NMD3: variants seen among roughly 807,000 people sequenced by gnomAD.
NMD3 encodes NMD3 ribosome export adaptor.
A neutral mutation model predicts 73.1 loss-of-function variants in NMD3; 47 were observed. The observed-to-expected ratio is 0.64, with a 90% CI of 0.51 to 0.82. The LOEUF is 0.82. Among genes scored for constraint, NMD3 ranks in the 40% least tolerant of loss-of-function variants. The probability of loss-of-function intolerance (pLI) is 0.00; values close to 1 mark genes in which losing one functional copy is unlikely to be tolerated. For synonymous variants in NMD3, 210 were observed against 194.5 expected, an observed-to-expected ratio of 1.08 and a Z score of -0.66; for missense variants, 554 against 612.5, an observed-to-expected ratio of 0.90 and a Z score of 1.01.
At chr3:161,247,840 G>A (rs1479479257) in intron 13 of NMD3, among the ~76,000 whole-genome samples, 1 of 150,394 alleles carries the variant, frequency 6.6e-6, no homozygotes, top group African/African-American at 2.4e-5. Context: ...AGGCTTGCGT[G>A]CAGTGTCATG....
At chr3:161,234,110 A>G (rs1736647291) in intron 5 of NMD3, among the ~76,000 whole-genome samples, 1 of 152,138 alleles carries the variant, frequency 6.6e-6, no homozygotes, top group Non-Finnish European at 1.5e-5. Context: ...CATTAAATTA[A>G]GGAATTTTTT....
intron 4 of NMD3, among the ~76,000 whole-genome samples, chr3:161,230,351 G>GA (rs1195321152): frequency 2.0e-5 from 3 of 152,070 alleles, no homozygotes; most frequent in Non-Finnish European, 2.9e-5. Context: ...TACCCAGACT[G>GA]GTGTTGAACT....
intron 4 of NMD3, among the ~76,000 whole-genome samples, chr3:161,229,949 T>C (rs147308109): frequency 4.6e-5 from 7 of 152,298 alleles, no homozygotes; most frequent in South Asian, 2.1e-4. Flanking sequence ...GGGCAATTTC[T>C]GTTTAGTGGT....
At chr3:161,252,618 C>G (rs907528137), downstream of NMD3, 3 of 466,924 alleles carry the variant, frequency 6.4e-6, no homozygotes, top group African/African-American at 2.0e-5. Flanking sequence ...TTCCCATACT[C>G]AAGAGTCTTG....
chr3:161,236,147 T>C (rs1273850949), intron 7 of NMD3, among the ~76,000 whole-genome samples: 1 of 152,118 alleles, frequency 6.6e-6, no homozygotes, highest in Non-Finnish European at 1.5e-5. Flanking sequence ...GCTACCTTTT[T>C]CCACTGCCCA....
chr3:161,238,661 T>G (rs372963077), intron 8 of NMD3, 69 bp from the exon 9 acceptor site: 1 of 773,216 alleles, frequency 1.3e-6, no homozygotes, highest in South Asian at 1.5e-5. Context: ...TAATGAAAAT[T>G]GATATTCCTG....
In NMD3 at chr3:161,251,732, A is replaced by G. The variant is rs1323273656; in HGVS notation, c.*822A>G. ...TCTCTCTATAAGTTTCTGTCATTGA[A>G]CAGATCACCATTAAAAAGAATATTA... On this transcript the variant is annotated 3_prime_UTR_variant, in exon 16 of 16. Transcript: ENST00000351193. The G allele has an allele frequency of 6.6e-6, 1 of 152,202 alleles. No individual in the cohort carries two copies. Among genetic ancestry groups the G allele is most frequent in the Admixed American group, 6.5e-5 (1 of 15,284 alleles). The allele number at this position is 152,202 out of a possible 1,614,324, so 9.4% of individuals were successfully genotyped here. A position where few individuals can be genotyped will look rare whatever the true frequency, so the allele number is the denominator to read the frequency against.
intron 13 of NMD3, 129 bp from the exon 14 acceptor site, chr3:161,249,325 C>G (rs1452002701): frequency 1.8e-6 from 1 of 563,494 alleles, no homozygotes; most frequent in African/African-American, 1.9e-5. Flanking sequence ...CACTGTCTCT[C>G]CATCCCTTCT....
At chr3:161,229,488 G>A (rs957959106) in intron 4 of NMD3, among the ~76,000 whole-genome samples, 1 of 152,174 alleles carries the variant, frequency 6.6e-6, no homozygotes, top group African/African-American at 2.4e-5. Context: ...CCAAGTCACT[G>A]GGTAGGGGGC....
In NMD3 at chr3:161,221,982, TTTTTTTA is replaced by T. The variant is rs1267934983; in HGVS notation, c.-20-11_-20-5del. The T allele has an allele frequency of 1.6e-5, 20 of 1,267,644 alleles. No individual in the cohort carries two copies. Among genetic ancestry groups the T allele is most frequent in the African/African-American group, 8.3e-5 (4 of 48,048 alleles). 78.5% of individuals were successfully genotyped at this position (1,267,644 alleles called of 1,614,324 possible). ...TCTTTTTTTTTTTTTTTTTTTTTTT[TTTTTTTA>T]AAAGAACTTAAGGCATACAGAACGA... On this transcript the variant is annotated splice_region_variant and splice_polypyrimidine_tract_variant and intron_variant, in intron 1 of 15. Coordinates refer to ENST00000351193, the MANE Select transcript of NMD3 (RefSeq NM_015938.5).
intron 3 of NMD3, among the ~76,000 whole-genome samples, chr3:161,225,447 G>A (rs1446387417): frequency 6.6e-6 from 1 of 152,044 alleles, no homozygotes; most frequent in Non-Finnish European, 1.5e-5. Flanking sequence ...TATGTTTGGA[G>A]TAATTTAGTA....
intron 10 of NMD3, among the ~76,000 whole-genome samples, chr3:161,241,821 CTTTTTGTGGCCCATTGGAACATTTAGT>C (rs1414519687): frequency 6.6e-6 from 1 of 152,038 alleles, no homozygotes; most frequent in Non-Finnish European, 1.5e-5. Flanking sequence ...GAACATTTGG[CTTTTTGTGGCCCATTGGAACATTTAGT>C]TTGAATATGA....
rs1217121704 is a variant in NMD3 at position 161,250,844 on chromosome 3, G to T, written c.1446G>T (p.Glu482Asp). Residue 482 changes from glutamate to aspartate, a missense_variant, in exon 16 of 16, where the codon GAG (glutamate) becomes GAT (aspartate). Transcript: ENST00000351193. Reference sequence around the variant, plus strand: ...GAGCACCTCGAATTAGTCTGGCTGAGATGCTTGAAGACCTTCATATTTCCC... The same window carrying T: ...GAGCACCTCGAATTAGTCTGGCTGATATGCTTGAAGACCTTCATATTTCCC... ...DEGAPRISLA[E>D]MLEDLHISQD... The T allele has an allele frequency of 6.2e-7, 1 of 1,612,352 alleles. No individual in the cohort carries two copies. Among genetic ancestry groups the T allele is most frequent in the Admixed American group, 1.7e-5 (1 of 59,988 alleles).
chr3:161,226,633 C>T (rs930820367), intron 3 of NMD3, among the ~76,000 whole-genome samples: 9 of 152,162 alleles, frequency 5.9e-5, no homozygotes, highest in Non-Finnish European at 1.0e-4. Flanking sequence ...ATTTATTGAA[C>T]ACCTACTATA....
At chr3:161,231,475 G>C (rs755666624) in intron 4 of NMD3, among the ~76,000 whole-genome samples, 14 of 152,158 alleles carry the variant, frequency 9.2e-5, no homozygotes, top group Non-Finnish European at 1.9e-4. Flanking sequence ...TATTGAAATC[G>C]CTAGGTATTA....
At position 161,241,047 on chromosome 3, in the gene NMD3, A is replaced by C. The variant is rs1164445985; in HGVS notation, c.755A>C (p.Asp252Ala). 1.3e-6 allele frequency: 2 copies of C among 1,597,136 alleles called. No homozygotes were observed. The highest frequency in any genetic ancestry group is 4.5e-5 in the East Asian group (2 of 44,778). The change falls in exon 10 of 16, where the codon GAT becomes GCT. Residue 252 changes from aspartate (D) to alanine (A), a missense_variant and splice_region_variant. Coordinates refer to ENST00000351193, the MANE Select transcript of NMD3 (RefSeq NM_015938.5). ...FSVEIVPICK[D>A]NVVCLSPKLA... ...CTAAATGTTAGTTCTTATGCCTAGGATAATGTTGTCTGTCTGTCTCCAAAA... is the reference window on the plus strand; with the variant it reads ...CTAAATGTTAGTTCTTATGCCTAGGCTAATGTTGTCTGTCTGTCTCCAAAA...
intron 4 of NMD3, 129 bp from the exon 5 acceptor site, chr3:161,233,270 G>C (rs960862535): frequency 1.9e-6 from 1 of 514,208 alleles, no homozygotes; most frequent in African/African-American, 1.9e-5. Flanking sequence ...TGTGATGATG[G>C]TGTGTAGTAT....
intron 4 of NMD3, among the ~76,000 whole-genome samples, chr3:161,228,362 A>G (rs1216610608): frequency 1.3e-5 from 2 of 151,610 alleles, no homozygotes; most frequent in East Asian, 3.9e-4. Context: ...TTCCCTTCAT[A>G]TTTTAAAAAA....
Position 161,250,936 on chromosome 3 carries a change from C to A in NMD3, c.*26C>A. ...TGAGATGTTGTAGACTGTTTCCATA[C>A]ATGGGCTTAAGAAGTTGGACAGAGT... On this transcript the variant is annotated 3_prime_UTR_variant, in exon 16 of 16. Coordinates refer to ENST00000351193, the MANE Select transcript of NMD3 (RefSeq NM_015938.5). The A allele has an allele frequency of 6.3e-7, 1 of 1,597,244 alleles. No homozygotes were observed. The highest frequency in any genetic ancestry group is 8.6e-7 in the Non-Finnish European group (1 of 1,169,260).
Sources: allele counts gnomAD v4.1 joint callset (sites outside exome capture counted in the v4.1 genomes callset), GRCh38; gene constraint gnomAD v4.1.1; transcripts MANE v1.5; gene names NCBI Gene and HGNC (gene_info 2026-07-23, HGNC 2026-07-21).